Variants in PID1 observed in about 807,000 individuals in gnomAD.
PID1 encodes PTB-containing, cubilin and LRP1-interacting protein.
PID1 carries 10 observed loss-of-function variants against 19.1 expected under a neutral mutation model. The observed-to-expected ratio is 0.52, with a 90% confidence interval of 0.32 to 0.89. The LOEUF is 0.89. Ranked by LOEUF, PID1 falls within the 40% of genes least tolerant of loss-of-function variation. The pLI is 0.03. For missense variants in PID1, 248 were observed against 285.3 expected, an observed-to-expected ratio of 0.87 and a Z score of 0.94; for synonymous variants, 130 against 116.0, an observed-to-expected ratio of 1.12 and a Z score of -0.78.
intron 1 of PID1, among the ~76,000 whole-genome samples, chr2:229,204,699 T>C (rs1691569744): frequency 2.0e-5 from 3 of 152,068 alleles, no homozygotes; most frequent in African/African-American, 7.2e-5. Flanking sequence ...TGGACCCAAA[T>C]GGTCCTGATG....
At chr2:229,095,158 G>A (rs1025647127) in intron 2 of PID1, among the ~76,000 whole-genome samples, 3 of 152,124 alleles carry the variant, frequency 2.0e-5, no homozygotes, top group African/African-American at 7.2e-5. Flanking sequence ...GAGAGACCCC[G>A]GTTTCTCCTC....
At chr2:229,152,262 T>A (rs1656568378) in intron 2 of PID1, among the ~76,000 whole-genome samples, 1 of 152,128 alleles carries the variant, frequency 6.6e-6, no homozygotes, top group Non-Finnish European at 1.5e-5. Flanking sequence ...CTAAGCTGAG[T>A]GCCTGAGTCA....
At chr2:229,187,872 CCTT>C (rs1490040057) in intron 1 of PID1, among the ~76,000 whole-genome samples, 5 of 152,174 alleles carry the variant, frequency 3.3e-5, no homozygotes, top group Non-Finnish European at 5.9e-5. Flanking sequence ...CTCCAGTATC[CCTT>C]TTGCCCCTCT....
chr2:229,087,148 A>T (rs917170581), intron 2 of PID1, among the ~76,000 whole-genome samples: 2 of 151,810 alleles, frequency 1.3e-5, no homozygotes, highest in African/African-American at 2.4e-5. Flanking sequence ...AATTACATTA[A>T]TTTTTTTTTA....
chr2:229,251,990 A>G (rs1690166598), intron 1 of PID1, among the ~76,000 whole-genome samples: 1 of 152,026 alleles, frequency 6.6e-6, no homozygotes, highest in African/African-American at 2.4e-5. Flanking sequence ...AGAAAGAAAA[A>G]AAAACACACA....
chr2:229,032,667 C>T (rs2106166685), intron 2 of PID1, among the ~76,000 whole-genome samples: 2 of 152,250 alleles, frequency 1.3e-5, no homozygotes, highest in Middle Eastern at 6.8e-3. Context: ...GCGGTAAATA[C>T]CAGCATCTTT....
intron 1 of PID1, among the ~76,000 whole-genome samples, chr2:229,213,191 C>A (rs540902434): frequency 1.3e-5 from 2 of 152,226 alleles, no homozygotes; most frequent in East Asian, 3.9e-4. Flanking sequence ...CCATTTGTCA[C>A]TGGCAAAATG....
At chr2:229,130,824 C>G (rs1389589563) in intron 2 of PID1, among the ~76,000 whole-genome samples, 2 of 152,184 alleles carry the variant, frequency 1.3e-5, no homozygotes, top group Non-Finnish European at 2.9e-5. Context: ...TATTTTCTCA[C>G]AGTTCTGGAG....
chr2:229,142,206 T>C (rs372677738), intron 2 of PID1, among the ~76,000 whole-genome samples: 62 of 152,238 alleles, frequency 4.1e-4, no homozygotes, highest in Middle Eastern at 3.4e-3. Flanking sequence ...CACAAAAAAG[T>C]TCGAAGTACT....
intron 2 of PID1, among the ~76,000 whole-genome samples, chr2:229,121,426 C>T (rs1695517279): frequency 6.6e-6 from 1 of 152,202 alleles, no homozygotes; most frequent in Non-Finnish European, 1.5e-5. Flanking sequence ...GCCTAGGAAG[C>T]ACTTCATCCA....
chr2:229,152,045 G>C (rs1215587734), intron 2 of PID1, among the ~76,000 whole-genome samples: 2 of 152,252 alleles, frequency 1.3e-5, no homozygotes, highest in African/African-American at 2.4e-5. Flanking sequence ...TTCTTCCTTA[G>C]AAGTCAGCTT....
chr2:229,091,869 C>T (rs776182875), intron 2 of PID1, among the ~76,000 whole-genome samples: 3 of 152,244 alleles, frequency 2.0e-5, no homozygotes, highest in African/African-American at 7.2e-5. Context: ...TCACTGCCAT[C>T]TGTGAGTAAC....
At chr2:229,033,530 G>A (rs1445258990) in intron 2 of PID1, among the ~76,000 whole-genome samples, 1 of 152,054 alleles carries the variant, frequency 6.6e-6, no homozygotes, top group African/African-American at 2.4e-5. Flanking sequence ...AGGCCTGTTG[G>A]AGGGTGGGGG....
At chr2:229,248,948 G>C (rs867655566) in intron 1 of PID1, among the ~76,000 whole-genome samples, 1 of 152,064 alleles carries the variant, frequency 6.6e-6, no homozygotes, top group African/African-American at 2.4e-5. Context: ...TGGCTTTCTT[G>C]ATGATGCTCA....
chr2:229,107,682 T>C (rs373192256), intron 2 of PID1, among the ~76,000 whole-genome samples: 2 of 152,178 alleles, frequency 1.3e-5, no homozygotes, highest in Non-Finnish European at 2.9e-5. Context: ...TATTTGAGCA[T>C]TTTGAAACAG....
At chr2:229,144,978 G>A (rs1249035625) in intron 2 of PID1, among the ~76,000 whole-genome samples, 1 of 151,428 alleles carries the variant, frequency 6.6e-6, no homozygotes, top group African/African-American at 2.4e-5. Context: ...TAATGCTTTC[G>A]TACCTAAAGT....
chr2:229,228,381 T>A (rs142890403), intron 1 of PID1, among the ~76,000 whole-genome samples: 14 of 152,348 alleles, frequency 9.2e-5, no homozygotes, highest in African/African-American at 3.4e-4. Flanking sequence ...TAACAATTTA[T>A]ATTTATATTT....
chr2:229,195,393 A>C (rs1307109589), intron 1 of PID1, among the ~76,000 whole-genome samples: 2 of 151,834 alleles, frequency 1.3e-5, no homozygotes, highest in African/African-American at 4.8e-5. Context: ...ATGTATATAC[A>C]TATACATACA....
chr2:229,104,202 T>C (rs1263344430), intron 2 of PID1, among the ~76,000 whole-genome samples: 1 of 152,228 alleles, frequency 6.6e-6, no homozygotes, highest in Non-Finnish European at 1.5e-5. Flanking sequence ...GCTTATCTGG[T>C]TCAGCCTGTG....
Sources: gnomAD v4.1 joint callset for allele counts (sites outside exome capture counted in the v4.1 genomes callset) on GRCh38, gnomAD v4.1.1 for gene constraint, MANE v1.5 for transcripts, NCBI Gene and HGNC (gene_info 2026-07-23, HGNC 2026-07-21) for gene names.